ACOT13: variants seen among roughly 807,000 people sequenced by gnomAD.
ACOT13 encodes the protein acyl-CoA thioesterase 13.
Under a neutral mutation model 11.8 loss-of-function variants are expected in ACOT13, and 10 were observed. That is an observed-to-expected ratio of 0.85 (90% CI 0.53 to 1.44). The LOEUF (loss-of-function observed/expected upper bound fraction) is 1.44. Ranked by LOEUF, ACOT13 falls within the 40% of genes most tolerant of loss-of-function variation. ACOT13 has a pLI of 0.00. For synonymous variants in ACOT13, 53 were observed against 61.0 expected, an observed-to-expected ratio of 0.87 and a Z score of 0.61; for missense variants, 172 against 174.1, an observed-to-expected ratio of 0.99 and a Z score of 0.07.
chr6:24,685,332 CTTTTTTTTTTTT>C (rs563020332), intron 1 of ACOT13, among the ~76,000 whole-genome samples: 5 of 116,766 alleles, frequency 4.3e-5, no homozygotes, highest in Non-Finnish European at 7.2e-5. Flanking sequence ...TTTTACTGTA[CTTTTTTTTTTTT>C]TTTTTTTTTT....
At chr6:24,673,300 GA>G (rs1227632315) in intron 1 of ACOT13, among the ~76,000 whole-genome samples, 2 of 150,408 alleles carry the variant, frequency 1.3e-5, no homozygotes, top group Non-Finnish European at 3.0e-5. Flanking sequence ...AGAGAAAGCT[GA>G]AAAAAAATGG....
intron 1 of ACOT13, among the ~76,000 whole-genome samples, chr6:24,681,507 A>AT (rs34254928): frequency 0.77 from 116,086 of 151,338 alleles, 45,171 homozygotes; most frequent in African/African-American, 0.9. Context: ...TTTTTTTTTT[A>AT]TTCTATCTTT....
intron 1 of ACOT13, among the ~76,000 whole-genome samples, chr6:24,689,730 T>C (rs1199181970): frequency 6.6e-6 from 1 of 152,162 alleles, no homozygotes; most frequent in African/African-American, 2.4e-5. Context: ...AATGTTTTTA[T>C]TTTTATAATT....
At chr6:24,689,034 G>T (rs1467087960) in intron 1 of ACOT13, among the ~76,000 whole-genome samples, 1 of 152,124 alleles carries the variant, frequency 6.6e-6, no homozygotes, top group Non-Finnish European at 1.5e-5. Context: ...GAGATACTAT[G>T]TTTTGCTTGT....
rs1778969304 is a variant in ACOT13, at chr6:24,704,904, AT to A, written c.*3292del. On this transcript the variant is annotated 3_prime_UTR_variant, in exon 3 of 3. Transcript: ENST00000230048. ...TAGTCAGGGAACTTTCACCTATTTT[AT>A]TTAGGTTTTCTTTTTCTTTTTTTCT... 6.6e-6 allele frequency: 1 copy of A among 152,378 alleles called. No homozygotes were observed. Among genetic ancestry groups the A allele is most frequent in the African/African-American group, 2.4e-5 (1 of 41,448 alleles). 9.4% of individuals were successfully genotyped at this position (152,378 alleles called of 1,614,324 possible). A position where few individuals can be genotyped will look rare whatever the true frequency, so the allele number is the denominator to read the frequency against.
intron 1 of ACOT13, chr6:24,687,686 T>C (rs1778653891): frequency 2.0e-6 from 3 of 1,529,458 alleles, no homozygotes; most frequent in Non-Finnish European, 2.6e-6. Context: ...ACAGAAATGG[T>C]TAGAAAGGTA....
chr6:24,685,489 G>A (rs1023828223), intron 1 of ACOT13, among the ~76,000 whole-genome samples: 1 of 151,776 alleles, frequency 6.6e-6, no homozygotes, highest in African/African-American at 2.4e-5. Flanking sequence ...TGGGACTACA[G>A]GCGCCTGCCA....
Position 24,701,440 on chromosome 6 carries a change from A to G in ACOT13, c.267-19A>G, listed in dbSNP as rs376113043. The G allele has an allele frequency of 3.1e-5, 49 of 1,594,620 alleles. 1 individual carries two copies. The highest frequency in any genetic ancestry group is 2.1e-4 in the South Asian group (19 of 88,630). Reference sequence around the variant, plus strand: ...TTTGAAAAATTATCTGCTGTTAACTATATTCATTTTCTTTCAAGGTACATG... The same window carrying G: ...TTTGAAAAATTATCTGCTGTTAACTGTATTCATTTTCTTTCAAGGTACATG... On this transcript the variant is annotated intron_variant, in intron 2 of 2. Coordinates refer to ENST00000230048, the MANE Select transcript of ACOT13 (RefSeq NM_018473.4).
intron 1 of ACOT13, among the ~76,000 whole-genome samples, chr6:24,695,963 CG>C (rs1348527259): frequency 6.6e-6 from 1 of 152,002 alleles, no homozygotes; most frequent in African/African-American, 2.4e-5. Context: ...GAGGCTGAGG[CG>C]GGAGGATTGC....
chr6:24,670,939 A>G (rs947509474), intron 1 of ACOT13, among the ~76,000 whole-genome samples: 1 of 152,028 alleles, frequency 6.6e-6, no homozygotes, highest in Non-Finnish European at 1.5e-5. Context: ...AAGTTAATGG[A>G]GACCTGCATT....
intron 1 of ACOT13, among the ~76,000 whole-genome samples, chr6:24,696,742 G>A (rs146508450): frequency 4.2e-4 from 64 of 151,808 alleles, no homozygotes; most frequent in African/African-American, 1.5e-3. Flanking sequence ...CTTTCCATAA[G>A]TTGCCTTTTT....
At chr6:24,685,332 CTTTTTTTTTTTTTTT>C (rs563020332) in intron 1 of ACOT13, among the ~76,000 whole-genome samples, 10,010 of 116,738 alleles carry the variant, frequency 0.086, 590 homozygotes, top group African/African-American at 0.19. Flanking sequence ...TTTTACTGTA[CTTTTTTTTTTTTTTT>C]TTTTTTTTTT....
Position 24,703,629 on chromosome 6 carries a change from T to G in ACOT13, c.*2014T>G, listed in dbSNP as rs189405929. The stretch of plus-strand genomic sequence containing the variant: ...CAAATGCTGTAAATGGACAAAGCAT[T>G]AGATTTGGAAAATCACTATTTTGTA... On this transcript the variant is annotated 3_prime_UTR_variant, in exon 3 of 3. Transcript: ENST00000230048. The G allele has an allele frequency of 6.6e-6, 1 of 152,242 alleles. No individual in the cohort carries two copies. Among genetic ancestry groups the G allele is most frequent in the African/African-American group, 2.4e-5 (1 of 41,464 alleles). 9.4% of individuals were successfully genotyped at this position (152,242 alleles called of 1,614,324 possible).
intron 1 of ACOT13, among the ~76,000 whole-genome samples, chr6:24,688,162 G>A (rs1309324498): frequency 6.6e-6 from 1 of 151,908 alleles, no homozygotes; most frequent in Admixed American, 6.6e-5. Flanking sequence ...TTATGTATAA[G>A]CAATACACAA....
intron 2 of ACOT13, 97 bp from the exon 3 acceptor site, chr6:24,701,362 G>A (rs373925310): frequency 1.9e-6 from 2 of 1,078,226 alleles, no homozygotes; most frequent in Admixed American, 2.6e-5. Flanking sequence ...ACTATTTTTA[G>A]GAGTAAAATA....
At chr6:24,690,707 G>A (rs1367836084) in intron 1 of ACOT13, among the ~76,000 whole-genome samples, 1 of 152,056 alleles carries the variant, frequency 6.6e-6, no homozygotes, top group Non-Finnish European at 1.5e-5. Flanking sequence ...CTTCCCTAGG[G>A]CTTTGTTTTG....
chr6:24,704,603 T>C lies in ACOT13; in HGVS notation c.*2988T>C, dbSNP rs983133225. 4 of 152,248 alleles carry C rather than the reference T, an allele frequency of 2.6e-5. No individual in the cohort carries two copies. The highest frequency in any genetic ancestry group is 5.9e-5 in the Non-Finnish European group (4 of 68,044). The allele number at this position is 152,248 out of a possible 1,614,324, so 9.4% of individuals were successfully genotyped here. ...TCAAAATGTTATTTCAAATAGATTC[T>C]AATTTTTAAATAAGAGGACACATGA... is the stretch of plus-strand genomic sequence containing the variant. On this transcript the variant is annotated 3_prime_UTR_variant, in exon 3 of 3. Coordinates refer to ENST00000230048, the MANE Select transcript of ACOT13 (RefSeq NM_018473.4).
At chr6:24,674,162 A>G (rs1190278870) in intron 1 of ACOT13, among the ~76,000 whole-genome samples, 2 of 152,066 alleles carry the variant, frequency 1.3e-5, no homozygotes, top group African/African-American at 2.4e-5. Context: ...CCTGGGTTCA[A>G]GTGATTCTCC....
chr6:24,674,052 GTTTT>G (rs745433162), intron 1 of ACOT13, among the ~76,000 whole-genome samples: 2 of 151,558 alleles, frequency 1.3e-5, no homozygotes, highest in Non-Finnish European at 1.5e-5. Context: ...GTTTTGTGGG[GTTTT>G]TTTTGTTTGT....
Sources: gnomAD v4.1 joint callset for allele counts (sites outside exome capture counted in the v4.1 genomes callset) on GRCh38, gnomAD v4.1.1 for gene constraint, MANE v1.5 for transcripts, NCBI Gene and HGNC (gene_info 2026-07-23, HGNC 2026-07-21) for gene names.